CBLB: variants seen among roughly 807,000 people sequenced by gnomAD.
CBLB encodes Cbl proto-oncogene B, also known as E3 ubiquitin-protein ligase CBL-B.
A neutral mutation model predicts 104.9 loss-of-function variants in CBLB; 31 were observed. That is an observed-to-expected ratio of 0.30 (90% CI 0.22 to 0.40). The LOEUF is 0.40. Among genes scored for constraint, CBLB ranks in the 10% least tolerant of loss-of-function variants. CBLB has a pLI of 1.00. For missense variants in CBLB, 1,062 were observed against 1,214.6 expected (o/e 0.87, Z 1.87); for synonymous variants, 440 against 422.6 (o/e 1.04, Z -0.51).
At chr3:105,724,871 G>GA (rs2073384892) in intron 9 of CBLB, among the ~76,000 whole-genome samples, 1 of 151,918 alleles carries the variant, frequency 6.6e-6, no homozygotes, top group South Asian at 2.1e-4. Flanking sequence ...TCCCCAACAA[G>GA]AAAAAGGGGT....
At chr3:105,785,272 G>GACA (rs1168713635) in intron 3 of CBLB, among the ~76,000 whole-genome samples, 1 of 152,162 alleles carries the variant, frequency 6.6e-6, no homozygotes, top group African/African-American at 2.4e-5. Context: ...CTAATGAACA[G>GACA]ACAGATAGGA....
Position 105,773,135 on chromosome 3 carries a change from C to T in CBLB, c.566+3261G>A, listed in dbSNP as rs574817141. On this transcript the variant is annotated intron_variant, in intron 4 of 18. Transcript: ENST00000394030. ...GCAATTGCAATGATATGGAACCAAC[C>T]TAAGTGCACATAGACCAACAAGCGG... Among the ~76,000 whole-genome samples, 7 of 152,274 alleles carry T rather than the reference C, an allele frequency of 4.6e-5. No individual in the cohort carries two copies. In the East Asian group the frequency reaches 9.6e-4, roughly 21 times the overall value.
chr3:105,657,463 C>A lies in CBLB; in HGVS notation c.*1507G>T. Reference sequence around the variant, plus strand: ...TTAATTTCCCATTTGAAATGAAAACCAGCTAATTCTAAATTCTAAAGCCCT... The same window carrying A: ...TTAATTTCCCATTTGAAATGAAAACAAGCTAATTCTAAATTCTAAAGCCCT... On this transcript the variant is annotated 3_prime_UTR_variant, in exon 19 of 19. Coordinates refer to ENST00000394030, the MANE Select transcript of CBLB (RefSeq NM_170662.5). 1 of 210,048 alleles carries A rather than the reference C, an allele frequency of 4.8e-6. No homozygotes were observed. Among genetic ancestry groups the A allele is most frequent in the Middle Eastern group, 1.5e-3 (1 of 656 alleles). The allele number at this position is 210,048 out of a possible 1,614,324, so 13.0% of individuals were successfully genotyped here. A position where few individuals can be genotyped will look rare whatever the true frequency, so the allele number is the denominator to read the frequency against.
At chr3:105,706,771 A>G in intron 10 of CBLB, among the ~76,000 whole-genome samples, 1 of 152,162 alleles carries the variant, frequency 6.6e-6, no homozygotes, top group East Asian at 1.9e-4. Context: ...TACTGTTTCT[A>G]GCCCAAACAA....
intron 4 of CBLB, among the ~76,000 whole-genome samples, chr3:105,760,839 C>T (rs1462971459): frequency 6.6e-6 from 1 of 152,114 alleles, no homozygotes; most frequent in Non-Finnish European, 1.5e-5. Context: ...AATAAAACTA[C>T]TGATATTTTA....
chr3:105,730,790 C>G (rs576412311), intron 9 of CBLB, among the ~76,000 whole-genome samples: 48 of 152,176 alleles, frequency 3.2e-4, no homozygotes, highest in African/African-American at 1.2e-3. Flanking sequence ...ACATTACTGT[C>G]TAGTAACATA....
chr3:105,866,947 C>A (rs1245835669), intron 2 of CBLB, among the ~76,000 whole-genome samples: 1 of 152,192 alleles, frequency 6.6e-6, no homozygotes, highest in Non-Finnish European at 1.5e-5. Flanking sequence ...TGGAAACTCC[C>A]TCAACTACTG....
intron 3 of CBLB, among the ~76,000 whole-genome samples, chr3:105,807,327 T>C (rs1577369445): frequency 6.6e-6 from 1 of 152,290 alleles, no homozygotes; most frequent in African/African-American, 2.4e-5. Context: ...GAGGCCAAGA[T>C]GGGAGGATCA....
chr3:105,815,939 AC>A (rs1013554319), intron 3 of CBLB, among the ~76,000 whole-genome samples: 3 of 152,136 alleles, frequency 2.0e-5, no homozygotes, highest in African/African-American at 7.2e-5. Flanking sequence ...GCAAACTAAC[AC>A]AGGAAGAGAA....
At chr3:105,705,880 A>C (rs557424740) in intron 10 of CBLB, among the ~76,000 whole-genome samples, 16 of 152,342 alleles carry the variant, frequency 1.1e-4, no homozygotes, top group African/African-American at 3.6e-4. Context: ...TGATGCCTGT[A>C]ATGCCAGCAC....
chr3:105,737,486 C>G (rs139692735), intron 7 of CBLB, among the ~76,000 whole-genome samples: 1 of 152,164 alleles, frequency 6.6e-6, no homozygotes, highest in African/African-American at 2.4e-5. Flanking sequence ...GCCTAACCCA[C>G]TAAGCAACCA....
At position 105,657,053 on chromosome 3, in the gene CBLB, G is replaced by T; in HGVS notation, c.*1917C>A. On this transcript the variant is annotated 3_prime_UTR_variant, in exon 19 of 19. Transcript: ENST00000394030. ...AAATTCCCCTCCAGGGACATAACCAGCTCAGAACCATCTGAAAAAATTCAT... is the reference window on the plus strand; with the variant it reads ...AAATTCCCCTCCAGGGACATAACCATCTCAGAACCATCTGAAAAAATTCAT... 4.4e-6 allele frequency: 1 copy of T among 226,732 alleles called. No homozygotes were observed. Among genetic ancestry groups the T allele is most frequent in the Non-Finnish European group, 8.8e-6 (1 of 113,946 alleles). The allele number at this position is 226,732 out of a possible 1,614,324, so 14.0% of individuals were successfully genotyped here. A position where few individuals can be genotyped will look rare whatever the true frequency, so the allele number is the denominator to read the frequency against.
At chr3:105,858,851 T>C (rs1183686719) in intron 2 of CBLB, among the ~76,000 whole-genome samples, 3 of 152,180 alleles carry the variant, frequency 2.0e-5, no homozygotes, top group Admixed American at 2.0e-4. Context: ...AGTTTTGTAT[T>C]TGCTTAAATG....
chr3:105,790,098 T>G (rs1266262328), intron 3 of CBLB, among the ~76,000 whole-genome samples: 7 of 152,202 alleles, frequency 4.6e-5, no homozygotes, highest in Non-Finnish European at 1.5e-5. Context: ...GAATCAACCA[T>G]TATTTCTCTC....
chr3:105,662,735 T>C (rs141564684), intron 18 of CBLB, among the ~76,000 whole-genome samples: 1 of 152,342 alleles, frequency 6.6e-6, no homozygotes, highest in East Asian at 1.9e-4. Context: ...TTTTACCTAA[T>C]GTCCCAGCCC....
chr3:105,854,405 T>C (rs183596949), intron 2 of CBLB, among the ~76,000 whole-genome samples: 32 of 152,314 alleles, frequency 2.1e-4, no homozygotes, highest in African/African-American at 7.5e-4. Context: ...AAGAGTAAGT[T>C]AGTCCACCAC....
At chr3:105,865,437 C>G (rs1221331595) in intron 2 of CBLB, among the ~76,000 whole-genome samples, 1 of 152,132 alleles carries the variant, frequency 6.6e-6, no homozygotes, top group Non-Finnish European at 1.5e-5. Context: ...GCACCCACAT[C>G]CCACTAAGTA....
chr3:105,814,957 C>G (rs575549676), intron 3 of CBLB, among the ~76,000 whole-genome samples: 2 of 130,202 alleles, frequency 1.5e-5, no homozygotes, highest in Non-Finnish European at 3.1e-5. Context: ...GCCCCTGTGT[C>G]TCACACAGTA....
At chr3:105,776,253 AC>A in intron 4 of CBLB, 142 bp downstream of exon 4, 1 of 652,828 alleles carries the variant, frequency 1.5e-6, no homozygotes, top group South Asian at 1.9e-5. Context: ...TATAAAAATT[AC>A]CAATCAATCA....
Sources: gnomAD v4.1 joint callset for allele counts (sites outside exome capture counted in the v4.1 genomes callset) on GRCh38, gnomAD v4.1.1 for gene constraint, MANE v1.5 for transcripts, NCBI Gene and HGNC (gene_info 2026-07-23, HGNC 2026-07-21) for gene names.